The following RGS6 variants were observed in gnomAD, a reference collection of about 807,000 sequenced individuals.
The protein encoded by RGS6 is regulator of G-protein signaling 6.
In RGS6, 30 loss-of-function variants were observed where a neutral mutation model predicts 78.5. The ratio of observed to expected loss-of-function variants is 0.38; its 90% confidence interval spans 0.29 to 0.52. RGS6 has a LOEUF of 0.52. Ranked by LOEUF, RGS6 falls within the 20% of genes least tolerant of loss-of-function variation. The probability of loss-of-function intolerance (pLI) is 0.85; values close to 1 mark genes in which losing one functional copy is unlikely to be tolerated. For missense variants in RGS6, 495 were observed against 609.7 expected (o/e 0.81, Z 1.98); for synonymous variants, 206 against 206.0 (o/e 1.00, Z 0.00).
chr14:72,594,127 A>T, the RGS6 span, among the ~76,000 whole-genome samples: 1 of 152,174 alleles, frequency 6.6e-6, no homozygotes, highest in African/African-American at 2.4e-5. Flanking sequence ...CAAGTCTTTT[A>T]TGAGGTAAGT....
intron 6 of RGS6, among the ~76,000 whole-genome samples, chr14:72,464,270 A>T (rs1192708763): frequency 6.6e-6 from 1 of 152,200 alleles, no homozygotes; most frequent in Non-Finnish European, 1.5e-5. Flanking sequence ...CTGAGTTTTC[A>T]TAGAAGCAAC....
chr14:71,961,389 C>G lies in RGS6; in HGVS notation c.-20-3383C>G, dbSNP rs186454099. ...TCCAGGGAAGCTGTGTGTCCTGGTT[C>G]TGATAGTTGGTTAGTTGCAAAGGAG... On this transcript the variant is annotated intron_variant, in intron 1 of 17. Transcript: ENST00000553525. 4.1e-3 allele frequency among the ~76,000 whole-genome samples: 625 copies of G among 152,244 alleles called. 1 individual carries two copies. The highest frequency in any genetic ancestry group is 0.014 in the African/African-American group (594 of 41,534).
chr14:72,623,419 T>C, the RGS6 span, among the ~76,000 whole-genome samples: 2 of 152,294 alleles, frequency 1.3e-5, no homozygotes, highest in Admixed American at 1.3e-4. Flanking sequence ...ATAAAACAAT[T>C]AATTTGACAA....
At chr14:71,945,767 G>A (rs1311169597) in intron 1 of RGS6, among the ~76,000 whole-genome samples, 1 of 152,134 alleles carries the variant, frequency 6.6e-6, no homozygotes, top group East Asian at 1.9e-4. Context: ...CGAGAAGTAT[G>A]TGCTGCTCAG....
rs144780910 is a variant in RGS6 at position 72,227,903 on chromosome 14, G to A, written c.85-124192G>A. Among the ~76,000 whole-genome samples, 319 of 152,256 alleles carry A rather than the reference G, an allele frequency of 2.1e-3. 1 individual carries two copies. Among genetic ancestry groups the A allele is most frequent in the Middle Eastern group, 6.8e-3 (2 of 292 alleles). On this transcript the variant is annotated intron_variant, in intron 2 of 17. Transcript: ENST00000553525. ...GGGAGGGGGGAAGAGCAATTTATGT[G>A]CCAGTAATTACAATTATAAACACAT...
At chr14:72,491,344 AG>A (rs1337249802) in intron 12 of RGS6, among the ~76,000 whole-genome samples, 3 of 94,008 alleles carry the variant, frequency 3.2e-5, no homozygotes, top group Non-Finnish European at 4.3e-5. Context: ...ATATTAAAAA[AG>A]AAAAAAATCT....
intron 2 of RGS6, among the ~76,000 whole-genome samples, chr14:72,321,387 A>C (rs77442497): frequency 1.9e-3 from 293 of 152,106 alleles, no homozygotes; most frequent in African/African-American, 6.7e-3. Flanking sequence ...AAGTGGGCTA[A>C]ACTCCCATAT....
intron 3 of RGS6, among the ~76,000 whole-genome samples, chr14:72,411,718 C>T (rs1179622985): frequency 6.6e-6 from 1 of 152,058 alleles, no homozygotes; most frequent in Non-Finnish European, 1.5e-5. Context: ...ATAGATAGCT[C>T]TTATTATTTT....
intron 12 of RGS6, among the ~76,000 whole-genome samples, chr14:72,493,698 G>T (rs1325659264): frequency 6.6e-6 from 1 of 151,704 alleles, no homozygotes; most frequent in African/African-American, 2.4e-5. Flanking sequence ...TTGACAGAGA[G>T]AAAAGAAACT....
At chr14:72,005,096 C>T (rs549407826) in intron 2 of RGS6, among the ~76,000 whole-genome samples, 1 of 152,246 alleles carries the variant, frequency 6.6e-6, no homozygotes, top group South Asian at 2.1e-4. Flanking sequence ...AGGAGAAGCA[C>T]AAATGGTCAT....
At chr14:72,493,421 AAAAG>A in intron 12 of RGS6, among the ~76,000 whole-genome samples, 1 of 152,302 alleles carries the variant, frequency 6.6e-6, no homozygotes, top group Middle Eastern at 3.4e-3. Context: ...ATAAATAGTT[AAAAG>A]AGAGTTTAAC....
intron 2 of RGS6, among the ~76,000 whole-genome samples, chr14:72,296,126 GT>G (rs2064771995): frequency 6.6e-6 from 1 of 152,056 alleles, no homozygotes; most frequent in African/African-American, 2.4e-5. Flanking sequence ...GTACTCTTTT[GT>G]GTCTACTTTG....
chr14:72,436,042 T>C (rs116715752), intron 3 of RGS6, among the ~76,000 whole-genome samples: 4,166 of 152,258 alleles, frequency 0.027, 133 homozygotes, highest in African/African-American at 0.08. Context: ...GTGTCTCAAC[T>C]GGGAAGGACC....
intron 2 of RGS6, among the ~76,000 whole-genome samples, chr14:72,262,640 G>A (rs918343100): frequency 6.6e-6 from 1 of 152,188 alleles, no homozygotes; most frequent in African/African-American, 2.4e-5. Context: ...CTTAAAAAGT[G>A]TTCTCTTCTG....
At chr14:71,935,267 G>A (rs1477004719) in intron 1 of RGS6, among the ~76,000 whole-genome samples, 1 of 152,070 alleles carries the variant, frequency 6.6e-6, no homozygotes, top group Non-Finnish European at 1.5e-5. Context: ...TTTAGCTATT[G>A]AAACAGTTCA....
intron 2 of RGS6, among the ~76,000 whole-genome samples, chr14:72,253,327 T>G (rs2056291263): frequency 1.3e-5 from 2 of 152,212 alleles, no homozygotes; most frequent in South Asian, 4.1e-4. Context: ...AAATAAAGCT[T>G]TCTTTGTAGT....
At chr14:72,064,332 C>G (rs1352234947) in intron 2 of RGS6, among the ~76,000 whole-genome samples, 1 of 152,090 alleles carries the variant, frequency 6.6e-6, no homozygotes, top group Non-Finnish European at 1.5e-5. Flanking sequence ...TGTTGACAGG[C>G]ATGAGAGGGA....
intron 2 of RGS6, among the ~76,000 whole-genome samples, chr14:72,191,163 A>G (rs920211638): frequency 6.6e-6 from 1 of 152,230 alleles, no homozygotes; most frequent in African/African-American, 2.4e-5. Flanking sequence ...GAGTGTTAGA[A>G]TTAATGGGGC....
intron 2 of RGS6, among the ~76,000 whole-genome samples, chr14:72,003,575 G>C (rs1370244189): frequency 6.6e-6 from 1 of 151,832 alleles, no homozygotes; most frequent in African/African-American, 2.4e-5. Flanking sequence ...TGTTTAGTCT[G>C]TTTTTTTTCA....
Sources: gnomAD v4.1 joint callset for allele counts (sites outside exome capture counted in the v4.1 genomes callset) on GRCh38, gnomAD v4.1.1 for gene constraint, MANE v1.5 for transcripts, NCBI Gene and HGNC (gene_info 2026-07-23, HGNC 2026-07-21) for gene names.